GLT1D1: variants seen among roughly 807,000 people sequenced by gnomAD.
GLT1D1 encodes the protein glycosyltransferase 1 domain-containing protein 1.
In GLT1D1, 21 loss-of-function variants were observed where a neutral mutation model predicts 28.7. The ratio of observed to expected loss-of-function variants is 0.73; its 90% CI spans 0.52 to 1.05. The LOEUF (loss-of-function observed/expected upper bound fraction) is 1.05, where lower values mean the gene tolerates loss of function less well. GLT1D1 is among the 50% of genes least tolerant of loss of function. The pLI, the probability that GLT1D1 is intolerant of heterozygous loss-of-function variation, is 0.00. For synonymous variants in GLT1D1, 147 were observed against 124.8 expected, an observed-to-expected ratio of 1.18 and a Z score of -1.19; for missense variants, 343 against 330.6, an observed-to-expected ratio of 1.04 and a Z score of -0.29.
At chr12:128,903,682 A>G (rs979587695) in intron 4 of GLT1D1, among the ~76,000 whole-genome samples, 1 of 151,530 alleles carries the variant, frequency 6.6e-6, no homozygotes, top group African/African-American at 2.4e-5. Flanking sequence ...CTTTAAATTG[A>G]TTGATTAGGA....
intron 1 of GLT1D1, among the ~76,000 whole-genome samples, chr12:128,870,367 C>T (rs569340422): frequency 3.3e-5 from 5 of 152,300 alleles, no homozygotes; most frequent in South Asian, 2.1e-4. Flanking sequence ...AGCCACAGAG[C>T]GTCTGTGAAT....
chr12:128,983,487 T>C lies in GLT1D1; in HGVS notation c.*397T>C, dbSNP rs2135565364. 1 of 167,600 alleles carries C rather than the reference T, an allele frequency of 6.0e-6. No homozygotes were observed. The highest frequency in any genetic ancestry group is 2.9e-3 in the Middle Eastern group (1 of 344). 10.4% of individuals were successfully genotyped at this position (167,600 alleles called of 1,614,324 possible). On this transcript the variant is annotated 3_prime_UTR_variant, in exon 8 of 8. Coordinates refer to ENST00000281703, the MANE Select transcript of GLT1D1 (RefSeq NM_144669.3). The surrounding 1 kb of genome is among the most constrained non-coding windows in gnomAD (Gnocchi z 4.7). ...CTGCCTTCTGACCAACCTCTCCCCA[T>C]CGTTGCCAGTTTGAAAGGCAAAAGC...
At chr12:128,911,429 G>T (rs1199686402) in intron 4 of GLT1D1, among the ~76,000 whole-genome samples, 1 of 152,176 alleles carries the variant, frequency 6.6e-6, no homozygotes, top group Non-Finnish European at 1.5e-5. Flanking sequence ...GGGCTCCCTG[G>T]TGCCCTAAAG....
intron 4 of GLT1D1, among the ~76,000 whole-genome samples, chr12:128,901,320 T>C (rs1870229312): frequency 6.6e-6 from 1 of 151,910 alleles, no homozygotes; most frequent in South Asian, 2.1e-4. Flanking sequence ...GGGTTTTGCC[T>C]TGTTGGCCAG....
rs370646672 is a variant in GLT1D1, at chr12:128,875,944, C to G, written c.99C>G (p.Cys33Trp). 65 of 1,613,892 alleles carry G rather than the reference C, an allele frequency of 4.0e-5. No homozygotes were observed. The highest frequency in any genetic ancestry group is 5.2e-5 in the Non-Finnish European group (61 of 1,179,944). The change falls in exon 2 of 8, where the codon TGC becomes TGG. Residue 33 changes from cysteine to tryptophan, a missense_variant. Coordinates refer to ENST00000281703, the MANE Select transcript of GLT1D1 (RefSeq NM_144669.3). ...ATCTAGAGGCTGCAGGGCACGTGTG[C>G]GTTTTGAAGGATGCCTTTGACTTTG... is the stretch of plus-strand genomic sequence containing the variant.
chr12:128,929,407 C>T (rs1327027729), intron 4 of GLT1D1, among the ~76,000 whole-genome samples: 1 of 152,174 alleles, frequency 6.6e-6, no homozygotes, highest in Non-Finnish European at 1.5e-5. Context: ...ATGGGGTGTA[C>T]CATTGGCAGT....
chr12:128,896,629 G>T (rs1230732826), intron 3 of GLT1D1, among the ~76,000 whole-genome samples: 1 of 146,076 alleles, frequency 6.8e-6, no homozygotes, highest in African/African-American at 2.5e-5. Context: ...TGCCAGGCTG[G>T]AGTGCAGTGG....
chr12:128,868,464 G>A (rs1017026977), intron 1 of GLT1D1, among the ~76,000 whole-genome samples: 3 of 152,224 alleles, frequency 2.0e-5, no homozygotes, highest in African/African-American at 7.2e-5. Flanking sequence ...CCGCCCAAAA[G>A]CGTCACTCGT....
chr12:128,945,117 G>A (rs1875871576), intron 4 of GLT1D1: 3 of 724,152 alleles, frequency 4.1e-6, no homozygotes, highest in South Asian at 1.5e-5. Context: ...TTAGCTCGAA[G>A]TATTGAGTGA....
At chr12:128,926,570 G>C (rs1382017115) in intron 4 of GLT1D1, 116 bp downstream of exon 7, 1 of 593,860 alleles carries the variant, frequency 1.7e-6, no homozygotes, top group Non-Finnish European at 3.0e-6. Flanking sequence ...CACGTGAGCA[G>C]AACTGTTTCT....
intron 2 of GLT1D1, among the ~76,000 whole-genome samples, chr12:128,881,197 C>G (rs1474207222): frequency 1.6e-5 from 2 of 124,722 alleles, no homozygotes; most frequent in African/African-American, 3.0e-5. Context: ...GCACTCCAGC[C>G]TGGGCGACAG....
At chr12:128,868,669 G>T (rs960415231) in intron 1 of GLT1D1, among the ~76,000 whole-genome samples, 5 of 152,096 alleles carry the variant, frequency 3.3e-5, no homozygotes, top group Admixed American at 2.0e-4. Context: ...GTAGCTCCTC[G>T]ATCAGCTGGG....
intron 4 of GLT1D1, among the ~76,000 whole-genome samples, chr12:128,940,716 A>G (rs1419656636): frequency 6.6e-6 from 1 of 152,210 alleles, no homozygotes; most frequent in African/African-American, 2.4e-5. Flanking sequence ...TTCCTTCCAG[A>G]TGCAAAGCAG....
chr12:128,954,345 T>C (rs536641674), intron 6 of GLT1D1, among the ~76,000 whole-genome samples: 1 of 149,964 alleles, frequency 6.7e-6, no homozygotes, highest in Non-Finnish European at 1.5e-5. Flanking sequence ...TTAGCCAGGA[T>C]GGTCTCGATC....
rs1876248472 is a variant in GLT1D1, at chr12:128,947,463, T to G, written c.540+5T>G. The G allele has an allele frequency of 6.2e-7, 1 of 1,614,012 alleles. No individual in the cohort carries two copies. Among genetic ancestry groups the G allele is most frequent in the African/African-American group, 1.3e-5 (1 of 74,918 alleles). On this transcript the variant is annotated splice_donor_5th_base_variant and intron_variant, in intron 6 of 7. Coordinates refer to ENST00000281703, the MANE Select transcript of GLT1D1 (RefSeq NM_144669.3). ...ATGTCAGCTGCAATTTTGGAGGTAATTATGTAACTCGAGTACTGAAAGTGG... is the reference window on the plus strand; with the variant it reads ...ATGTCAGCTGCAATTTTGGAGGTAAGTATGTAACTCGAGTACTGAAAGTGG...
At chr12:128,921,895 ATTGT>A (rs1449937054) in intron 4 of GLT1D1, among the ~76,000 whole-genome samples, 33 of 149,134 alleles carry the variant, frequency 2.2e-4, no homozygotes, top group East Asian at 1.2e-3. Context: ...ATCTTTGTAG[ATTGT>A]TTGTTTGTTT....
At chr12:128,978,283 A>G (rs990534319) in intron 7 of GLT1D1, among the ~76,000 whole-genome samples, 4 of 152,116 alleles carry the variant, frequency 2.6e-5, no homozygotes, top group Non-Finnish European at 5.9e-5. Context: ...AGGGACACTC[A>G]GGTCTGCAAG....
At chr12:128,931,917 G>GCACGCGCGCACACACACACA (rs1368012620) in intron 4 of GLT1D1, among the ~76,000 whole-genome samples, 108 of 141,104 alleles carry the variant, frequency 7.7e-4, no homozygotes, top group Non-Finnish European at 1.4e-3. Context: ...ACACACGCAC[G>GCACGCGCGCACACACACACA]CACACACACA....
rs530329772 is a variant in GLT1D1 at position 128,942,941 on chromosome 12, G to T, written c.376-2385G>T. ...TTTTTTGTATTTTAGTAGAGACGGG[G>T]TTTCACCATGTTGGCCAGGATAGTC... On this transcript the variant is annotated intron_variant, in intron 4 of 7. Transcript: ENST00000281703. 8.6e-3 allele frequency among the ~76,000 whole-genome samples: 1,305 copies of T among 152,002 alleles called. 10 individuals are homozygous for T. Among genetic ancestry groups the T allele is most frequent in the Non-Finnish European group, 0.015 (1,011 of 67,966 alleles).
Sources: allele counts gnomAD v4.1 joint callset (sites outside exome capture counted in the v4.1 genomes callset), GRCh38; gene constraint gnomAD v4.1.1; non-coding constraint Gnocchi (gnomAD v3.1); transcripts MANE v1.5; gene names NCBI Gene and HGNC (gene_info 2026-07-23, HGNC 2026-07-21).